EPHA3: variants seen among roughly 807,000 people sequenced by gnomAD.
EPHA3 encodes the protein EPH receptor A3.
Under a neutral mutation model 107.1 loss-of-function variants are expected in EPHA3, and 42 were observed. The observed-to-expected ratio is 0.39, with a 90% CI of 0.31 to 0.51. The LOEUF (loss-of-function observed/expected upper bound fraction) is 0.51. Ranked by LOEUF, EPHA3 falls within the 20% of genes least tolerant of loss-of-function variation. The pLI, the probability that EPHA3 is intolerant of heterozygous loss-of-function variation, is 0.78. For synonymous variants in EPHA3, 461 were observed against 424.8 expected (o/e 1.09, Z -1.05); for missense variants, 1,183 against 1,211.2 (o/e 0.98, Z 0.35).
chr3:89,296,957 A>G (rs1459398476), intron 3 of EPHA3, among the ~76,000 whole-genome samples: 1 of 151,970 alleles, frequency 6.6e-6, no homozygotes, highest in South Asian at 2.1e-4. Flanking sequence ...TCATGAACCA[A>G]CCTCTGCTAG....
At chr3:89,350,320 T>C (rs1464150320) in intron 5 of EPHA3, among the ~76,000 whole-genome samples, 5 of 149,402 alleles carry the variant, frequency 3.3e-5, no homozygotes, top group Non-Finnish European at 6.0e-5. Flanking sequence ...TCATTTCTTT[T>C]TATTCTTTTT....
chr3:89,284,670 T>A (rs1301963323), intron 3 of EPHA3, among the ~76,000 whole-genome samples: 1 of 152,182 alleles, frequency 6.6e-6, no homozygotes, highest in East Asian at 1.9e-4. Flanking sequence ...TCAATGGCAC[T>A]TTCTTTTGCA....
intron 5 of EPHA3, among the ~76,000 whole-genome samples, chr3:89,350,262 C>T (rs1230078889): frequency 8.0e-5 from 12 of 149,976 alleles, no homozygotes; most frequent in African/African-American, 2.9e-4. Flanking sequence ...ACCAATCAGA[C>T]GTAGATTTGG....
chr3:89,196,142 G>C (rs1705832300), intron 2 of EPHA3, among the ~76,000 whole-genome samples: 2 of 151,818 alleles, frequency 1.3e-5, no homozygotes, highest in Admixed American at 1.3e-4. Flanking sequence ...GTTTCCTGAT[G>C]TATCCATATT....
intron 1 of EPHA3, among the ~76,000 whole-genome samples, chr3:89,126,207 A>G (rs1304317954): frequency 6.6e-6 from 1 of 151,720 alleles, no homozygotes; most frequent in Non-Finnish European, 1.5e-5. Flanking sequence ...TTAATAATGC[A>G]TGCTTAGTTT....
chr3:89,134,584 A>C (rs529931529), intron 2 of EPHA3, among the ~76,000 whole-genome samples: 133 of 152,226 alleles, frequency 8.7e-4, no homozygotes, highest in South Asian at 6.6e-3. Flanking sequence ...TCCATGGTGT[A>C]TATGTGCCAC....
chr3:89,222,435 A>G (rs1704401825), intron 3 of EPHA3, among the ~76,000 whole-genome samples: 2 of 148,286 alleles, frequency 1.3e-5, no homozygotes, highest in Non-Finnish European at 3.0e-5. Context: ...ATATATATAG[A>G]TGTACATGCA....
chr3:89,195,822 A>G (rs1318584285), intron 2 of EPHA3, among the ~76,000 whole-genome samples: 2 of 152,140 alleles, frequency 1.3e-5, no homozygotes, highest in Non-Finnish European at 2.9e-5. Context: ...TGCCAAAGCA[A>G]TGTACTTAAA....
chr3:89,416,184 G>A (rs1031418272), intron 10 of EPHA3, among the ~76,000 whole-genome samples: 3 of 151,252 alleles, frequency 2.0e-5, no homozygotes, highest in African/African-American at 7.3e-5. Context: ...ATTTTGAGCA[G>A]CTTTTACATT....
chr3:89,226,880 A>G (rs1700003169), intron 3 of EPHA3, among the ~76,000 whole-genome samples: 1 of 152,076 alleles, frequency 6.6e-6, no homozygotes, highest in African/African-American at 2.4e-5. Context: ...TAATCACACT[A>G]AAATCCTTCA....
At chr3:89,127,385 A>T in intron 2 of EPHA3, 112 bp downstream of exon 2, 1 of 781,350 alleles carries the variant, frequency 1.3e-6, no homozygotes. Context: ...GTGACAAATT[A>T]TACTTATAGG....
chr3:89,294,805 T>C (rs1218741797), intron 3 of EPHA3, among the ~76,000 whole-genome samples: 2 of 152,194 alleles, frequency 1.3e-5, no homozygotes, highest in African/African-American at 4.8e-5. Flanking sequence ...TTTTGACTGA[T>C]TGGTTTCTCT....
chr3:89,459,646 C>T (rs1710180767), intron 15 of EPHA3, among the ~76,000 whole-genome samples: 1 of 152,116 alleles, frequency 6.6e-6, no homozygotes. Flanking sequence ...CCTCAGCCTC[C>T]TGAGTATCTG....
chr3:89,163,105 G>C (rs1704985426), intron 2 of EPHA3, among the ~76,000 whole-genome samples: 2 of 152,152 alleles, frequency 1.3e-5, no homozygotes, highest in South Asian at 4.1e-4. Flanking sequence ...AGTGATTATA[G>C]CTTTAGGATC....
intron 2 of EPHA3, among the ~76,000 whole-genome samples, chr3:89,191,299 ATT>A (rs200801201): frequency 6.7e-6 from 1 of 149,630 alleles, no homozygotes; most frequent in East Asian, 2.0e-4. Flanking sequence ...TATTTTTTTA[ATT>A]TTTTTTATTT....
chr3:89,477,419 A>T (rs1050144762), intron 16 of EPHA3, among the ~76,000 whole-genome samples: 2 of 152,188 alleles, frequency 1.3e-5, no homozygotes, highest in African/African-American at 4.8e-5. Flanking sequence ...AATTCAGTAG[A>T]GTCTCGGTTA....
At chr3:89,378,579 A>C (rs1262162633) in intron 5 of EPHA3, among the ~76,000 whole-genome samples, 1 of 152,192 alleles carries the variant, frequency 6.6e-6, no homozygotes, top group Non-Finnish European at 1.5e-5. Flanking sequence ...ATTAGGTAAA[A>C]TGTAGTATCT....
intron 3 of EPHA3, among the ~76,000 whole-genome samples, chr3:89,312,770 G>C (rs1179644766): frequency 1.3e-5 from 2 of 151,808 alleles, no homozygotes; most frequent in African/African-American, 4.8e-5. Flanking sequence ...AGTGTGTGTG[G>C]TTCCTCACCA....
At chr3:89,202,843 A>G (rs1359434995) in intron 2 of EPHA3, among the ~76,000 whole-genome samples, 2 of 152,120 alleles carry the variant, frequency 1.3e-5, no homozygotes, top group Admixed American at 6.5e-5. Context: ...TTTGTAATAC[A>G]CCTACCTGTT....
Sources: gnomAD v4.1 joint callset for allele counts (sites outside exome capture counted in the v4.1 genomes callset) on GRCh38, gnomAD v4.1.1 for gene constraint, MANE v1.5 for transcripts, NCBI Gene and HGNC (gene_info 2026-07-23, HGNC 2026-07-21) for gene names.